The following GAN variants were observed in gnomAD, a reference collection of about 807,000 sequenced individuals.
GAN encodes epididymis secretory sperm binding protein.
GAN carries 48 observed loss-of-function variants against 71.3 expected under a neutral mutation model. The observed-to-expected ratio is 0.67, with a 90% CI of 0.53 to 0.86. The LOEUF (loss-of-function observed/expected upper bound fraction) is 0.86. Among genes scored for constraint, GAN ranks in the 40% least tolerant of loss-of-function variants. GAN has a pLI of 0.00. For missense variants in GAN, 928 were observed against 770.1 expected (o/e 1.21, Z -2.43); for synonymous variants, 386 against 276.8 (o/e 1.39, Z -3.92).
At chr16:81,323,434 G>C (rs1034429295) in intron 1 of GAN, among the ~76,000 whole-genome samples, 7 of 152,198 alleles carry the variant, frequency 4.6e-5, no homozygotes, top group African/African-American at 1.7e-4. Context: ...TCAGAAAAGG[G>C]GTTATGAAAA....
intron 1 of GAN, among the ~76,000 whole-genome samples, chr16:81,349,821 A>T (rs931022167): frequency 6.6e-6 from 1 of 152,124 alleles, no homozygotes; most frequent in African/African-American, 2.4e-5. Flanking sequence ...ACAGTATTTG[A>T]AGGTGTGCTT....
At chr16:81,343,927 A>T (rs1597396789) in intron 1 of GAN, among the ~76,000 whole-genome samples, 1 of 152,236 alleles carries the variant, frequency 6.6e-6, no homozygotes, top group Non-Finnish European at 1.5e-5. Flanking sequence ...AAGTCTCAGG[A>T]TAGAAAATGA....
chr16:81,365,157 G>T (rs546597624), intron 8 of GAN, 47 bp downstream of exon 8: 1 of 1,601,138 alleles, frequency 6.2e-7, no homozygotes, highest in Non-Finnish European at 8.5e-7. Flanking sequence ...GCTGTTCACT[G>T]GGTCTGGAGC....
chr16:81,335,331 A>T (rs1265984405), intron 1 of GAN, among the ~76,000 whole-genome samples: 1 of 152,112 alleles, frequency 6.6e-6, no homozygotes, highest in East Asian at 1.9e-4. Flanking sequence ...AATCCATTAA[A>T]ATGGCTGGAC....
At chr16:81,376,594 A>C (rs1161456242) in intron 9 of GAN, among the ~76,000 whole-genome samples, 1 of 148,674 alleles carries the variant, frequency 6.7e-6, no homozygotes, top group Admixed American at 6.8e-5. Flanking sequence ...TGTATGTATA[A>C]GTATATATTA....
intron 1 of GAN, among the ~76,000 whole-genome samples, chr16:81,348,518 A>G (rs1910195376): frequency 6.6e-6 from 1 of 152,204 alleles, no homozygotes; most frequent in Admixed American, 6.5e-5. Flanking sequence ...TGTGCCAAAA[A>G]AACATGTTGC....
chr16:81,316,607 T>C (rs557879478), intron 1 of GAN, among the ~76,000 whole-genome samples: 2 of 152,302 alleles, frequency 1.3e-5, no homozygotes, highest in South Asian at 2.1e-4. Context: ...CCATCCCAAA[T>C]TGGAGTCAGC....
chr16:81,340,219 G>T (rs4888144), intron 1 of GAN, among the ~76,000 whole-genome samples: 1 of 151,976 alleles, frequency 6.6e-6, no homozygotes, highest in Non-Finnish European at 1.5e-5. Flanking sequence ...GATTACAGGC[G>T]TGAGCCACTG....
At chr16:81,367,797 C>G (rs1049115413) in intron 9 of GAN, among the ~76,000 whole-genome samples, 1 of 152,218 alleles carries the variant, frequency 6.6e-6, no homozygotes, top group Admixed American at 6.5e-5. Context: ...CACAGACACA[C>G]AAGGAGCAAG....
intron 1 of GAN, among the ~76,000 whole-genome samples, chr16:81,324,846 T>A (rs998412074): frequency 6.6e-6 from 1 of 152,230 alleles, no homozygotes; most frequent in African/African-American, 2.4e-5. Context: ...CTGCTGGGTG[T>A]GCTCTATAAA....
chr16:81,323,707 C>T (rs952447360), intron 1 of GAN, among the ~76,000 whole-genome samples: 5 of 152,190 alleles, frequency 3.3e-5, no homozygotes, highest in Admixed American at 6.5e-5. Flanking sequence ...CTCAAGACAT[C>T]TCAGCAGCAT....
chr16:81,332,016 C>G (rs1246372434), intron 1 of GAN, among the ~76,000 whole-genome samples: 1 of 152,018 alleles, frequency 6.6e-6, no homozygotes, highest in Non-Finnish European at 1.5e-5. Context: ...ACAAAATTAG[C>G]CGGGCATGGT....
intron 1 of GAN, among the ~76,000 whole-genome samples, chr16:81,335,786 A>G (rs1226367991): frequency 2.0e-5 from 3 of 151,456 alleles, no homozygotes. Flanking sequence ...ATGATGAGTC[A>G]TTCTAAGATC....
intron 1 of GAN, among the ~76,000 whole-genome samples, chr16:81,342,960 C>T (rs1468888038): frequency 3.9e-5 from 6 of 152,076 alleles, no homozygotes; most frequent in African/African-American, 1.4e-4. Context: ...CCACCGATCC[C>T]AAAGAAATAC....
At chr16:81,375,203 A>C (rs4889315) in intron 9 of GAN, among the ~76,000 whole-genome samples, 2,070 of 152,180 alleles carry the variant, frequency 0.014, 36 homozygotes, top group East Asian at 0.075. Context: ...TATTCATAAT[A>C]CATTTATCTA....
chr16:81,338,120 C>T (rs1221729039), intron 1 of GAN, among the ~76,000 whole-genome samples: 1 of 152,130 alleles, frequency 6.6e-6, no homozygotes, highest in Non-Finnish European at 1.5e-5. Context: ...AAACGCGGAA[C>T]AATGTGACAT....
At chr16:81,364,260 C>T (rs1910774586) in intron 7 of GAN, among the ~76,000 whole-genome samples, 1 of 150,714 alleles carries the variant, frequency 6.6e-6, no homozygotes, top group African/African-American at 2.5e-5. Flanking sequence ...CCCTCTCTTA[C>T]TCTCTCTCTC....
intron 5 of GAN, 96 bp from the exon 6 acceptor site, chr16:81,362,403 A>C: frequency 1.3e-6 from 1 of 750,258 alleles, no homozygotes; most frequent in Non-Finnish European, 2.4e-6. Context: ...TGTTGTCATC[A>C]GAGAGTTTCT....
chr16:81,363,552 G>C lies in GAN; in HGVS notation c.1087-242G>C, dbSNP rs560650657. Among the ~76,000 whole-genome samples the C allele has an allele frequency of 2.4e-4, 37 of 152,336 alleles. No homozygotes were observed. The South Asian group carries it at 7.1e-3, about 29-fold the overall frequency. ...GGGGATACATGTGCAGGTTTGTTAT[G>C]TGTGTATATTGCATAATGCTGAGGT... On this transcript the variant is annotated intron_variant, in intron 6 of 10. Coordinates refer to ENST00000648994, the MANE Select transcript of GAN (RefSeq NM_022041.4).
Sources: allele counts gnomAD v4.1 joint callset (sites outside exome capture counted in the v4.1 genomes callset), GRCh38; gene constraint gnomAD v4.1.1; transcripts MANE v1.5; gene names NCBI Gene and HGNC (gene_info 2026-07-23, HGNC 2026-07-21).